The following NCAM2 variants were observed in gnomAD, a reference collection of about 807,000 sequenced individuals.
The protein encoded by NCAM2 is N-CAM-2.
NCAM2 carries 30 observed loss-of-function variants against 98.1 expected under a neutral mutation model. The ratio of observed to expected loss-of-function variants is 0.31; its 90% CI spans 0.23 to 0.41. NCAM2 has a LOEUF of 0.41. Ranked by LOEUF, NCAM2 falls within the 10% of genes least tolerant of loss-of-function variation. The pLI is 1.00. For missense variants in NCAM2, 867 were observed against 1,005.8 expected (o/e 0.86, Z 1.87); for synonymous variants, 368 against 342.4 (o/e 1.07, Z -0.83).
chr21:21,282,100 A>G (rs998482629), intron 2 of NCAM2, among the ~76,000 whole-genome samples: 2 of 151,910 alleles, frequency 1.3e-5, no homozygotes, highest in Non-Finnish European at 3.0e-5. Context: ...ATCATATATT[A>G]TGTCAGCAGA....
At chr21:21,166,422 G>C (rs1384644363) in intron 1 of NCAM2, among the ~76,000 whole-genome samples, 1 of 151,642 alleles carries the variant, frequency 6.6e-6, no homozygotes, top group East Asian at 1.9e-4. Flanking sequence ...TGGTCAAGCT[G>C]GTCTCGAACC....
At chr21:21,530,630 A>G (rs1317414805) in intron 16 of NCAM2, among the ~76,000 whole-genome samples, 2 of 151,748 alleles carry the variant, frequency 1.3e-5, no homozygotes, top group African/African-American at 4.8e-5. Flanking sequence ...TATGTCACAT[A>G]GAAATGCAGC....
In NCAM2 at chr21:21,451,175, C is replaced by G. The variant is rs1981009797; in HGVS notation, c.1655-15431C>G. Among the ~76,000 whole-genome samples the G allele has an allele frequency of 2.0e-5, 3 of 152,094 alleles. No homozygotes were observed. The South Asian group carries it at 6.2e-4, about 31-fold the overall frequency. ...GAGGGCCTGTTTACCGTTCATTTGG[C>G]TCTTTGAGTCTTCCATATCATTTGA... On this transcript the variant is annotated intron_variant, in intron 12 of 17. Coordinates refer to ENST00000400546, the MANE Select transcript of NCAM2 (RefSeq NM_004540.5).
intron 1 of NCAM2, among the ~76,000 whole-genome samples, chr21:21,016,360 A>G (rs1487139123): frequency 6.6e-6 from 1 of 152,188 alleles, no homozygotes; most frequent in Non-Finnish European, 1.5e-5. Context: ...AACGTTTATA[A>G]AGTTCTTACA....
At chr21:21,332,252 G>T (rs2074735248) in intron 6 of NCAM2, among the ~76,000 whole-genome samples, 1 of 152,000 alleles carries the variant, frequency 6.6e-6, no homozygotes, top group Non-Finnish European at 1.5e-5. Context: ...TTTGTGTTTT[G>T]GGGTGCTGAA....
At chr21:21,208,665 G>C (rs2069530724) in intron 1 of NCAM2, among the ~76,000 whole-genome samples, 1 of 151,918 alleles carries the variant, frequency 6.6e-6, no homozygotes, top group African/African-American at 2.4e-5. Flanking sequence ...CCTATGTGGA[G>C]ATTATTGTAG....
At chr21:21,188,862 A>G (rs1340951762) in intron 1 of NCAM2, among the ~76,000 whole-genome samples, 2 of 152,240 alleles carry the variant, frequency 1.3e-5, no homozygotes, top group African/African-American at 4.8e-5. Context: ...TAATTAAAAA[A>G]TAAATTTTAA....
Position 21,542,865 on chromosome 21 carries a change from T to A in NCAM2, c.*4908T>A, listed in dbSNP as rs944583763. On this transcript the variant is annotated 3_prime_UTR_variant, in exon 18 of 18. Transcript: ENST00000400546. ...TCTATGATTTAATTTTGCAAATAGT[T>A]TTTTTAGAGAACAACATGCATACTA... is the stretch of plus-strand genomic sequence containing the variant. The A allele has an allele frequency of 1.3e-5, 2 of 151,886 alleles. No homozygotes were observed. The highest frequency in any genetic ancestry group is 2.9e-5 in the Non-Finnish European group (2 of 67,868). 9.4% of individuals were successfully genotyped at this position (151,886 alleles called of 1,614,324 possible). A position where few individuals can be genotyped will look rare whatever the true frequency, so the allele number is the denominator to read the frequency against.
chr21:21,102,953 T>C (rs1160522487), intron 1 of NCAM2, among the ~76,000 whole-genome samples: 1 of 152,058 alleles, frequency 6.6e-6, no homozygotes, highest in East Asian at 1.9e-4. Flanking sequence ...GTAAAATCTG[T>C]CATAGTTTTA....
At chr21:21,530,323 TTAAATTA>T (rs1569142216) in intron 16 of NCAM2, among the ~76,000 whole-genome samples, 5 of 24,466 alleles carry the variant, frequency 2.0e-4, no homozygotes, top group African/African-American at 8.9e-4. Flanking sequence ...TATAATTAAA[TTAAATTA>T]AATTATACAT....
intron 12 of NCAM2, among the ~76,000 whole-genome samples, chr21:21,441,273 G>C (rs1421269851): frequency 6.6e-6 from 1 of 152,084 alleles, no homozygotes; most frequent in Non-Finnish European, 1.5e-5. Context: ...TACCTTTTAA[G>C]TGACATCCTA....
At position 21,140,247 on chromosome 21, in the gene NCAM2, A is replaced by G. The variant is rs569375972; in HGVS notation, c.56-140331A>G. Among the ~76,000 whole-genome samples the G allele has an allele frequency of 7.2e-5, 11 of 152,284 alleles. 1 individual carries two copies. In the South Asian group the frequency reaches 2.3e-3, roughly 32 times the overall value. On this transcript the variant is annotated intron_variant, in intron 1 of 17. Transcript: ENST00000400546. Reference sequence around the variant, plus strand: ...CAAGACAGCTTGAAAAATAAGTGACACTGGAAATTTAAACACAGTTTGGTG... The same window carrying G: ...CAAGACAGCTTGAAAAATAAGTGACGCTGGAAATTTAAACACAGTTTGGTG...
intron 1 of NCAM2, among the ~76,000 whole-genome samples, chr21:21,027,912 G>A (rs964194138): frequency 2.7e-5 from 4 of 150,296 alleles, no homozygotes; most frequent in African/African-American, 4.9e-5. Flanking sequence ...GCTGGAGTGC[G>A]GTGGCACGAT....
At chr21:21,356,262 A>G (rs2075476585) in intron 8 of NCAM2, among the ~76,000 whole-genome samples, 1 of 152,130 alleles carries the variant, frequency 6.6e-6, no homozygotes, top group Admixed American at 6.5e-5. Flanking sequence ...TTATTGTTTT[A>G]TTCTCAGTTA....
intron 5 of NCAM2, among the ~76,000 whole-genome samples, chr21:21,303,081 GAC>G (rs2073772762): frequency 6.6e-6 from 1 of 152,008 alleles, no homozygotes; most frequent in Non-Finnish European, 1.5e-5. Context: ...GGGAACCATA[GAC>G]ACTGCAGAAT....
At chr21:21,330,689 TTCTC>T (rs1263032155) in intron 6 of NCAM2, among the ~76,000 whole-genome samples, 1 of 151,964 alleles carries the variant, frequency 6.6e-6, no homozygotes, top group Non-Finnish European at 1.5e-5. Flanking sequence ...TTATATTCAG[TTCTC>T]TCTGTTTTGC....
intron 5 of NCAM2, among the ~76,000 whole-genome samples, chr21:21,320,278 G>A (rs12482700): frequency 0.82 from 125,550 of 152,184 alleles, 52,029 homozygotes; most frequent in East Asian, 0.99. Flanking sequence ...AGCTACATTT[G>A]TTTAAAAAGA....
intron 9 of NCAM2, among the ~76,000 whole-genome samples, chr21:21,396,279 G>A (rs1028316214): frequency 9.2e-5 from 14 of 152,070 alleles, no homozygotes; most frequent in Non-Finnish European, 1.8e-4. Flanking sequence ...AATGATCAAG[G>A]AAATGCCAAT....
At chr21:21,232,384 T>C (rs2070665614) in intron 1 of NCAM2, among the ~76,000 whole-genome samples, 1 of 151,588 alleles carries the variant, frequency 6.6e-6, no homozygotes, top group African/African-American at 2.4e-5. Flanking sequence ...TTAACAATCC[T>C]ATTTATAAAA....
Sources: allele counts gnomAD v4.1 joint callset (sites outside exome capture counted in the v4.1 genomes callset), GRCh38; gene constraint gnomAD v4.1.1; transcripts MANE v1.5; gene names NCBI Gene and HGNC (gene_info 2026-07-23, HGNC 2026-07-21).